The following ACAN variants were observed in gnomAD, a reference collection of about 807,000 sequenced individuals.
ACAN encodes aggrecan.
ACAN carries 47 observed loss-of-function variants against 169.1 expected under a neutral mutation model. The ratio of observed to expected loss-of-function variants is 0.28; its 90% confidence interval spans 0.22 to 0.35. ACAN has a LOEUF of 0.35. ACAN is among the 10% of genes least tolerant of loss of function. The pLI is 1.00. For missense variants in ACAN, 2,716 were observed against 2,759.9 expected (o/e 0.98, Z 0.36); for synonymous variants, 1,115 against 1,112.2 (o/e 1.00, Z -0.05).
At chr15:88,811,885 C>T (rs979033553) in intron 1 of ACAN, among the ~76,000 whole-genome samples, 1 of 152,186 alleles carries the variant, frequency 6.6e-6, no homozygotes, top group African/African-American at 2.4e-5. Flanking sequence ...CCCAGACTCA[C>T]GTGACCCAGC....
At chr15:88,863,233 C>A (rs1019667193) in intron 13 of ACAN, among the ~76,000 whole-genome samples, 1 of 152,112 alleles carries the variant, frequency 6.6e-6, no homozygotes, top group African/African-American at 2.4e-5. Context: ...AGTTATTTAG[C>A]AATTAAAAGC....
Position 88,849,574 on chromosome 15 carries a change from T to C in ACAN, c.1869T>C (p.Tyr623=), listed in dbSNP as rs763515848. 1.1e-5 allele frequency: 18 copies of C among 1,608,186 alleles called. No homozygotes were observed. The highest frequency in any genetic ancestry group is 1.5e-5 in the Non-Finnish European group (18 of 1,177,718). Residue 623 remains tyrosine (Y), a synonymous_variant, in exon 10 of 19, where the codon TAT becomes TAC. Coordinates refer to ENST00000560601, the MANE Select transcript of ACAN (RefSeq NM_001369268.1). This position sits in a 1 kb window ranked among gnomAD's most constrained non-coding sequence, Gnocchi z 5.1. ...AAWSRGLDKC[Y]AGWLADGSLR... is the part of the protein sequence containing the mutation. ...GGAGCCGCGGCCTGGACAAGTGCTA[T>C]GCCGGCTGGCTGGCCGACGGCAGCC...
Position 88,855,031 on chromosome 15 carries a change from G to A in ACAN, c.2446G>A (p.Glu816Lys). 1 of 1,593,252 alleles carries A rather than the reference G, an allele frequency of 6.3e-7. No homozygotes were observed. ...FPSVRPFPSV[E>K]LFPSEEPFPS... ...CTCAGTGAGGCCATTCCCCTCAGTG[G>A]AGCTGTTCCCCTCAGAGGAGCCATT... The change falls in exon 12 of 19, where the codon GAG becomes AAG. Residue 816 changes from glutamate to lysine, a missense_variant. Around this residue, in one of 3 missense-constraint regions of ACAN, gnomAD observed 1,283 missense variants for 1,281.5 expected, o/e 1.00. Coordinates refer to ENST00000560601, the MANE Select transcript of ACAN (RefSeq NM_001369268.1).
At chr15:88,864,774 C>T (rs1036807459) in intron 13 of ACAN, among the ~76,000 whole-genome samples, 1 of 152,208 alleles carries the variant, frequency 6.6e-6, no homozygotes, top group Non-Finnish European at 1.5e-5. Flanking sequence ...AGGTTTCCCC[C>T]ATCCTTGCCC....
At chr15:88,860,619 C>T (rs1030397746) in intron 13 of ACAN, among the ~76,000 whole-genome samples, 180 bp downstream of exon 13, 1 of 152,118 alleles carries the variant, frequency 6.6e-6, no homozygotes, top group Admixed American at 6.5e-5. Flanking sequence ...TTATCTTTCT[C>T]GAATGTCTAG....
rs1298627545 is a variant in ACAN at position 88,856,971 on chromosome 15, T to G, written c.4386T>G (p.Ser1462=). The change falls in exon 12 of 19, where the codon TCT becomes TCG. Residue 1462 remains serine (S), a synonymous_variant. Coordinates refer to ENST00000560601, the MANE Select transcript of ACAN (RefSeq NM_001369268.1). The stretch of plus-strand genomic sequence containing the variant: ...GAGAAGTTCTAGAGACTTCTACCTC[T>G]GCGGTAGGGGACCTCAGTGGACTTC... The part of the protein sequence containing the change: ...PSGEVLETST[S]AVGDLSGLPS... 11 of 1,613,356 alleles carry G rather than the reference T, an allele frequency of 6.8e-6. No homozygotes were observed. Among genetic ancestry groups the G allele is most frequent in the Non-Finnish European group, 9.3e-6 (11 of 1,179,748 alleles).
At chr15:88,832,191 G>A (rs1294749271) in intron 1 of ACAN, among the ~76,000 whole-genome samples, 2 of 151,736 alleles carry the variant, frequency 1.3e-5, no homozygotes, top group South Asian at 2.1e-4. Flanking sequence ...CATCATGATC[G>A]TCAGTAGTGA....
chr15:88,846,919 C>A (rs1596137742), intron 7 of ACAN, among the ~76,000 whole-genome samples: 1 of 152,230 alleles, frequency 6.6e-6, no homozygotes, highest in Non-Finnish European at 1.5e-5. Context: ...TGACAGTGTT[C>A]TAGGTGCTTA....
chr15:88,830,859 C>T (rs1480990330), intron 1 of ACAN, among the ~76,000 whole-genome samples: 2 of 152,160 alleles, frequency 1.3e-5, no homozygotes, highest in African/African-American at 2.4e-5. Flanking sequence ...AGTAATTGCA[C>T]TATGACGCTA....
Position 88,851,834 on chromosome 15 carries a change from C to T in ACAN, c.2067C>T (p.Gly689=). 1 of 1,609,272 alleles carries T rather than the reference C, an allele frequency of 6.2e-7. No individual in the cohort carries two copies. The highest frequency in any genetic ancestry group is 2.2e-5 in the East Asian group (1 of 44,766). ...CTTCTCCAGGAGAAGAAGAGGGTGG[C>T]ACACCCACATCACCCTCTGGTGTGG... The part of the protein sequence containing the change: ...AVPSPGEEEG[G]TPTSPSGVEE... The change falls in exon 11 of 19, where the codon GGC becomes GGT. Residue 689 remains glycine, a synonymous_variant. Coordinates refer to ENST00000560601, the MANE Select transcript of ACAN (RefSeq NM_001369268.1). The surrounding 1 kb of genome is among the most constrained non-coding windows in gnomAD (Gnocchi z 4.3).
Position 88,871,627 on chromosome 15 carries a change from C to G in ACAN, c.7219+87C>G. Reference sequence around the variant, plus strand: ...CCTTTCAGAAGGCAGCAGATTTGGGCCTCGTGAGACTGCAGGACAGGGACC... The same window carrying G: ...CCTTTCAGAAGGCAGCAGATTTGGGGCTCGTGAGACTGCAGGACAGGGACC... On this transcript the variant is annotated intron_variant, in intron 15 of 18. Transcript: ENST00000560601. This position sits in a 1 kb window ranked among gnomAD's most constrained non-coding sequence, Gnocchi z 7.8. The G allele has an allele frequency of 4.1e-6, 6 of 1,472,094 alleles. No homozygotes were observed. The highest frequency in any genetic ancestry group is 2.4e-4 in the Middle Eastern group (1 of 4,102). 91.2% of individuals were successfully genotyped at this position (1,472,094 alleles called of 1,614,324 possible). A position where few individuals can be genotyped will look rare whatever the true frequency, so the allele number is the denominator to read the frequency against.
intron 9 of ACAN, among the ~76,000 whole-genome samples, chr15:88,848,998 T>A (rs1256312260): frequency 6.6e-6 from 1 of 152,036 alleles, no homozygotes; most frequent in African/African-American, 2.4e-5. Context: ...TCCCAGGGTG[T>A]GGGGTGAGCA....
intron 13 of ACAN, among the ~76,000 whole-genome samples, chr15:88,860,902 C>G (rs1476958374): frequency 1.3e-5 from 2 of 151,978 alleles, no homozygotes; most frequent in African/African-American, 4.8e-5. Context: ...CCCTTCTTGC[C>G]CTGAAGGAAA....
chr15:88,809,278 C>T (rs901206856), intron 1 of ACAN, among the ~76,000 whole-genome samples: 5 of 152,104 alleles, frequency 3.3e-5, no homozygotes, highest in African/African-American at 1.2e-4. Flanking sequence ...GCATCTCCCT[C>T]CAGTGTGTGT....
Position 88,836,521 on chromosome 15 carries a change from C to G in ACAN, c.70+245C>G, listed in dbSNP as rs751874711. Among the ~76,000 whole-genome samples the G allele has an allele frequency of 1.3e-5, 2 of 152,236 alleles. 1 individual carries two copies. Among genetic ancestry groups the G allele is most frequent in the African/African-American group, 4.8e-5 (2 of 41,468 alleles). Reference sequence around the variant, plus strand: ...GCTCCTGACTGCCCTCAAGCCCCGACAGCTGGCAGGGAGAGCTCCCGGCAG... The same window carrying G: ...GCTCCTGACTGCCCTCAAGCCCCGAGAGCTGGCAGGGAGAGCTCCCGGCAG... On this transcript the variant is annotated intron_variant, in intron 2 of 18. Coordinates refer to ENST00000560601, the MANE Select transcript of ACAN (RefSeq NM_001369268.1).
At chr15:88,863,430 G>A (rs561403398) in intron 13 of ACAN, among the ~76,000 whole-genome samples, 36 of 152,150 alleles carry the variant, frequency 2.4e-4, no homozygotes, top group African/African-American at 7.9e-4. Flanking sequence ...TGATTCAATT[G>A]GTCTAAAGAG....
chr15:88,827,667 C>T (rs1216085824), intron 1 of ACAN, among the ~76,000 whole-genome samples: 1 of 152,192 alleles, frequency 6.6e-6, no homozygotes, highest in East Asian at 1.9e-4. Flanking sequence ...AGTTGAAATG[C>T]AGTGAGGGGC....
chr15:88,847,429 C>A lies in ACAN; in HGVS notation c.1604+12C>A. On this transcript the variant is annotated intron_variant, in intron 8 of 18. Coordinates refer to ENST00000560601, the MANE Select transcript of ACAN (RefSeq NM_001369268.1). Reference sequence around the variant, plus strand: ...GACCAGACCGTCAGGTGAAGCCATGCTCCTCGCCCAGCCCAAACCCAATTG... The same window carrying A: ...GACCAGACCGTCAGGTGAAGCCATGATCCTCGCCCAGCCCAAACCCAATTG... The A allele has an allele frequency of 1.3e-6, 2 of 1,554,992 alleles. No homozygotes were observed. Among genetic ancestry groups the A allele is most frequent in the Non-Finnish European group, 1.7e-6 (2 of 1,144,950 alleles).
rs1897174020 is a variant in ACAN at position 88,860,513 on chromosome 15, C to A, written c.6946+74C>A. On this transcript the variant is annotated intron_variant, in intron 13 of 18. Transcript: ENST00000560601. Reference sequence around the variant, plus strand: ...ACTTCTTCATCCCCCAAAGGGTCCCCAGGTGGGAGGAGGCAACCAAGGTCC... The same window carrying A: ...ACTTCTTCATCCCCCAAAGGGTCCCAAGGTGGGAGGAGGCAACCAAGGTCC... The A allele has an allele frequency of 2.9e-6, 4 of 1,380,066 alleles. No homozygotes were observed. The African/African-American group carries it at 5.7e-5, about 20-fold the overall frequency. The allele number at this position is 1,380,066 out of a possible 1,614,324, so 85.5% of individuals were successfully genotyped here.
Sources: allele counts gnomAD v4.1 joint callset (sites outside exome capture counted in the v4.1 genomes callset), GRCh38; gene constraint gnomAD v4.1.1; regional missense constraint gnomAD v4.1.1; non-coding constraint Gnocchi (gnomAD v3.1); transcripts MANE v1.5; gene names NCBI Gene and HGNC (gene_info 2026-07-23, HGNC 2026-07-21).